The following RIPOR1 variants were observed in gnomAD, a reference collection of about 807,000 sequenced individuals.
The protein encoded by RIPOR1 is rho family-interacting cell polarization regulator 1.
Under a neutral mutation model 116.5 loss-of-function variants are expected in RIPOR1, and 58 were observed. The observed-to-expected ratio is 0.50, with a 90% CI of 0.40 to 0.62. The LOEUF (loss-of-function observed/expected upper bound fraction) is 0.62, where lower values mean the gene tolerates loss of function less well. RIPOR1 is among the 20% of genes least tolerant of loss of function. The pLI is 0.00. For missense variants in RIPOR1, 1,372 were observed against 1,586.2 expected (o/e 0.86, Z 2.29); for synonymous variants, 605 against 650.0 (o/e 0.93, Z 1.05).
At position 67,540,061 on chromosome 16, in the gene RIPOR1, G is replaced by A; in HGVS notation, c.423G>A (p.Glu141=). 1.2e-6 allele frequency: 2 copies of A among 1,614,180 alleles called. No individual in the cohort carries two copies. Among genetic ancestry groups the A allele is most frequent in the Non-Finnish European group, 1.7e-6 (2 of 1,180,028 alleles). ...CCCACTCACCTTCCCAGATCGATGA[G>A]CTGTATGAGGCATACTGTGTCCAGC... ...RLEFHASKID[E]LYEAYCVQRR... The change falls in exon 7 of 22, where the codon GAG becomes GAA. Residue 141 remains glutamate (E), a synonymous_variant. Coordinates refer to ENST00000042381, the MANE Select transcript of RIPOR1 (RefSeq NM_024519.4). The surrounding 1 kb of genome is among the most constrained non-coding windows in gnomAD (Gnocchi z 4.7).
At chr16:67,534,723 A>G (rs1481876589) in intron 1 of RIPOR1, among the ~76,000 whole-genome samples, 1 of 151,858 alleles carries the variant, frequency 6.6e-6, no homozygotes, top group Non-Finnish European at 1.5e-5. Context: ...GTTTGCTCTC[A>G]GATCCACCCA....
At chr16:67,523,911 G>A (rs1482336464), upstream of RIPOR1, among the ~76,000 whole-genome samples, 1 of 152,048 alleles carries the variant, frequency 6.6e-6, no homozygotes, top group Non-Finnish European at 1.5e-5. Flanking sequence ...CTCCTGGGCT[G>A]AAGCCATCCT....
intron 1 of RIPOR1, among the ~76,000 whole-genome samples, chr16:67,520,899 C>T (rs7191363): frequency 1.3e-5 from 2 of 152,044 alleles, no homozygotes; most frequent in African/African-American, 4.8e-5. Flanking sequence ...GCTAGAAATC[C>T]TTCTCTTGGA....
chr16:67,534,012 G>T (rs1416076478), intron 1 of RIPOR1, among the ~76,000 whole-genome samples: 1 of 145,848 alleles, frequency 6.9e-6, no homozygotes, highest in Non-Finnish European at 1.5e-5. Context: ...TAGAGACGGG[G>T]TTTCACCAAG....
rs1428742316 is a variant in RIPOR1 at position 67,529,684 on chromosome 16, C to A, written c.-24+770C>A. On this transcript the variant is annotated intron_variant, in intron 1 of 21. Transcript: ENST00000042381. The surrounding 1 kb of genome is among the most constrained non-coding windows in gnomAD (Gnocchi z 4.1). ...CCCTACAGACCCTCCCCAGCCAGTT[C>A]TAACGTGTGTCCAGGCTGGCCGCCC... 1.4e-6 allele frequency: 2 copies of A among 1,408,022 alleles called. No homozygotes were observed. Among genetic ancestry groups the A allele is most frequent in the African/African-American group, 1.4e-5 (1 of 70,740 alleles). The allele number at this position is 1,408,022 out of a possible 1,614,324, so 87.2% of individuals were successfully genotyped here. A position where few individuals can be genotyped will look rare whatever the true frequency, so the allele number is the denominator to read the frequency against.
chr16:67,542,972 C>A lies in RIPOR1; in HGVS notation c.2186C>A (p.Pro729His). ...PMAPRTPHPS[P>H]AHSSRKPLTS... ...GCCCCCAGAACTCCCCACCCAAGTC[C>A]TGCCCATTCCAGTAGGAAACCCCTC... The change falls in exon 13 of 22, where the codon CCT (proline) becomes CAT (histidine). Residue 729 changes from proline to histidine, a missense_variant. Coordinates refer to ENST00000042381, the MANE Select transcript of RIPOR1 (RefSeq NM_024519.4). This position sits in a 1 kb window ranked among gnomAD's most constrained non-coding sequence, Gnocchi z 4.6. 4 of 1,580,232 alleles carry A rather than the reference C, an allele frequency of 2.5e-6. No individual in the cohort carries two copies. Among genetic ancestry groups the A allele is most frequent in the Non-Finnish European group, 3.4e-6 (4 of 1,162,920 alleles).
chr16:67,537,546 C>G lies in RIPOR1; in HGVS notation c.-23-878C>G. On this transcript the variant is annotated intron_variant, in intron 1 of 21. Coordinates refer to ENST00000042381, the MANE Select transcript of RIPOR1 (RefSeq NM_024519.4). The surrounding 1 kb of genome is among the most constrained non-coding windows in gnomAD (Gnocchi z 4.6). ...CCAGGGCCGGAAGGTCCGCGGGGGG[C>G]GAGCGCGGGTCGGGGGCCGTCCCGG... The G allele has an allele frequency of 7.4e-7, 1 of 1,353,592 alleles. No homozygotes were observed. The highest frequency in any genetic ancestry group is 9.5e-7 in the Non-Finnish European group (1 of 1,050,200). The allele number at this position is 1,353,592 out of a possible 1,614,324, so 83.8% of individuals were successfully genotyped here. A position where few individuals can be genotyped will look rare whatever the true frequency, so the allele number is the denominator to read the frequency against.
In RIPOR1 at chr16:67,542,789, C is replaced by T. The variant is rs151272916; in HGVS notation, c.2003C>T (p.Thr668Ile). The T allele has an allele frequency of 5.0e-6, 8 of 1,613,838 alleles. No individual in the cohort carries two copies. Among genetic ancestry groups the T allele is most frequent in the South Asian group, 1.1e-5 (1 of 91,072 alleles). Reference protein sequence around the residue: ...THPTTSPTHPTTSPILINVSP... With the variant: ...THPTTSPTHPITSPILINVSP... The stretch of plus-strand genomic sequence containing the variant: ...CCTACCACAAGCCCCACCCATCCCA[C>T]CACAAGCCCCATCCTTATAAATGTA... The change falls in exon 13 of 22, where the codon ACC becomes ATC. Residue 668 changes from threonine (T) to isoleucine (I), a missense_variant. Transcript: ENST00000042381. The surrounding 1 kb of genome is among the most constrained non-coding windows in gnomAD (Gnocchi z 4.6).
chr16:67,540,531 C>T lies in RIPOR1; in HGVS notation c.675+30C>T, dbSNP rs372761052. On this transcript the variant is annotated intron_variant, in intron 9 of 21. Transcript: ENST00000042381. The surrounding 1 kb of genome is among the most constrained non-coding windows in gnomAD (Gnocchi z 4.7). ...GAGAATGTGCAGGGAAGGGCTGGGT[C>T]GGTAGGGTCCCAACACCTAGGCTGC... 1.1e-4 allele frequency: 176 copies of T among 1,613,968 alleles called. No individual in the cohort carries two copies. Among genetic ancestry groups the T allele is most frequent in the Middle Eastern group, 1.6e-4 (1 of 6,082 alleles).
Position 67,545,090 on chromosome 16 carries a change from C to T in RIPOR1, c.3004C>T (p.Leu1002=). 1 of 1,613,170 alleles carries T rather than the reference C, an allele frequency of 6.2e-7. No individual in the cohort carries two copies. Among genetic ancestry groups the T allele is most frequent in the Non-Finnish European group, 8.5e-7 (1 of 1,180,020 alleles). ...CAACCAGTATGGTGCCCGCCTCTCC[C>T]TGCGCCAGCCAGGCTTGGCTGAGGC... ...FCNQYGARLS[L]RQPGLAEAVC... The change falls in exon 17 of 22, where the codon CTG becomes TTG. Residue 1002 remains leucine (L), a synonymous_variant. Transcript: ENST00000042381. This position sits in a 1 kb window ranked among gnomAD's most constrained non-coding sequence, Gnocchi z 4.8.
Position 67,545,954 on chromosome 16 carries a change from C to G in RIPOR1, c.3393C>G (p.Leu1131=). 6.2e-7 allele frequency: 1 copy of G among 1,614,080 alleles called. No homozygotes were observed. The change falls in exon 20 of 22, where the codon CTC becomes CTG. Residue 1131 remains leucine (L), a synonymous_variant. Transcript: ENST00000042381. The surrounding 1 kb of genome is among the most constrained non-coding windows in gnomAD (Gnocchi z 4.8). ...SLGPTFRERA[L]LCFLDQLEDE... Reference sequence around the variant, plus strand: ...GTCCTCCCACCCTTCCACAGGCCCTCCTGTGCTTCCTGGACCAGCTGGAGG... The same window carrying G: ...GTCCTCCCACCCTTCCACAGGCCCTGCTGTGCTTCCTGGACCAGCTGGAGG...
At chr16:67,521,764 G>A (rs1425605919) in intron 1 of RIPOR1, among the ~76,000 whole-genome samples, 4 of 152,214 alleles carry the variant, frequency 2.6e-5, no homozygotes, top group Admixed American at 2.6e-4. Flanking sequence ...GCCAAGCCTA[G>A]AAATTTACAC....
chr16:67,518,974 G>A (rs1378999622), intron 1 of RIPOR1, among the ~76,000 whole-genome samples: 1 of 152,236 alleles, frequency 6.6e-6, no homozygotes, highest in Non-Finnish European at 1.5e-5. Context: ...GCGAAGGAAA[G>A]AGGAAAAGGC....
Position 67,541,232 on chromosome 16 carries a change from A to ATT in RIPOR1, c.802-198_802-197insTT. ...AGGTGCACCACCATGCCTGGCTAAA[A>ATT]ATTTTTTTTTTTTTTTTTTTTGAGA... On this transcript the variant is annotated intron_variant, in intron 10 of 21. Transcript: ENST00000042381. The surrounding 1 kb of genome is among the most constrained non-coding windows in gnomAD (Gnocchi z 4.6). 1.5e-5 allele frequency: 9 copies of ATT among 592,650 alleles called. No individual in the cohort carries two copies. Among genetic ancestry groups the ATT allele is most frequent in the East Asian group, 2.9e-5 (1 of 34,292 alleles). The allele number at this position is 592,650 out of a possible 1,614,324, so 36.7% of individuals were successfully genotyped here.
chr16:67,518,972 A>C (rs2050470554), intron 1 of RIPOR1, among the ~76,000 whole-genome samples: 1 of 152,214 alleles, frequency 6.6e-6, no homozygotes, highest in Non-Finnish European at 1.5e-5. Context: ...AGGCGAAGGA[A>C]AGAGGAAAAG....
chr16:67,532,842 G>A (rs939827724), intron 1 of RIPOR1, among the ~76,000 whole-genome samples: 8 of 152,230 alleles, frequency 5.3e-5, no homozygotes, highest in African/African-American at 1.9e-4. Context: ...GCACTGTCAA[G>A]TGGCTACAAT....
chr16:67,542,455 A>C lies in RIPOR1; in HGVS notation c.1669A>C (p.Thr557Pro). ...TACAGGCTCTACCTATAGTGCCATT[A>C]CCACTACCCACAGTGCTCCAAGCCC... Reference protein sequence around the residue: ...TTTGSTYSAITTTHSAPSPLT... With the variant: ...TTTGSTYSAIPTTHSAPSPLT... The change falls in exon 13 of 22, where the codon ACC (threonine) becomes CCC (proline). Residue 557 changes from threonine to proline, a missense_variant. By Grantham distance (38) the Thr-to-Pro change is conservative. Coordinates refer to ENST00000042381, the MANE Select transcript of RIPOR1 (RefSeq NM_024519.4). The surrounding 1 kb of genome is among the most constrained non-coding windows in gnomAD (Gnocchi z 4.6). 3 of 1,613,728 alleles carry C rather than the reference A, an allele frequency of 1.9e-6. No individual in the cohort carries two copies. The highest frequency in any genetic ancestry group is 2.7e-5 in the African/African-American group (2 of 74,842).
rs760403210 is a variant in RIPOR1 at position 67,538,699 on chromosome 16, GC to G, written c.137del (p.Pro46HisfsTer36). The part of the protein sequence containing the change: ...RSFPVFSPPG[P>X]PRKPPALSRV... The stretch of plus-strand genomic sequence containing the variant: ...GTTTCCCGGTCTTCAGCCCGCCGGG[GC>G]CCCCACGGAAGCCCCCCGCGCTCTC... On this transcript the variant is annotated frameshift_variant, in exon 3 of 22. Transcript: ENST00000042381. LOFTEE classifies it high-confidence loss of function. 1.2e-6 allele frequency: 2 copies of G among 1,613,050 alleles called. No homozygotes were observed. The highest frequency in any genetic ancestry group is 2.2e-5 in the South Asian group (2 of 91,060).
chr16:67,545,607 CG>C lies in RIPOR1; in HGVS notation c.3191-52del. 1.9e-6 allele frequency: 3 copies of C among 1,584,048 alleles called. 1 individual carries two copies. Among genetic ancestry groups the C allele is most frequent in the South Asian group, 2.3e-5 (2 of 87,536 alleles). On this transcript the variant is annotated intron_variant, in intron 18 of 21. Transcript: ENST00000042381. This position sits in a 1 kb window ranked among gnomAD's most constrained non-coding sequence, Gnocchi z 4.8. Reference sequence around the variant, plus strand: ...CATGAGGACAAGCCCTCCCCAACCTCGGGGGCTCCTCACCCTGCCACCTTGC... The same window carrying C: ...CATGAGGACAAGCCCTCCCCAACCTCGGGGCTCCTCACCCTGCCACCTTGC...
Sources: gnomAD v4.1 joint callset for allele counts (sites outside exome capture counted in the v4.1 genomes callset) on GRCh38, gnomAD v4.1.1 for gene constraint, Gnocchi (gnomAD v3.1) non-coding constraint, MANE v1.5 for transcripts, NCBI Gene and HGNC (gene_info 2026-07-23, HGNC 2026-07-21) for gene names.